RIMS2: variants seen among roughly 807,000 people sequenced by gnomAD.
RIMS2 encodes regulating synaptic membrane exocytosis 2.
A neutral mutation model predicts 174.4 loss-of-function variants in RIMS2; 59 were observed. The observed-to-expected ratio is 0.34, with a 90% CI of 0.27 to 0.42. The LOEUF is 0.42. Ranked by LOEUF, RIMS2 falls within the 10% of genes least tolerant of loss-of-function variation. RIMS2 has a pLI of 1.00. For synonymous variants in RIMS2, 606 were observed against 572.5 expected, an observed-to-expected ratio of 1.06 and a Z score of -0.84; for missense variants, 1,620 against 1,666.3, an observed-to-expected ratio of 0.97 and a Z score of 0.48.
intron 3 of RIMS2, among the ~76,000 whole-genome samples, chr8:103,777,872 A>C: frequency 6.6e-6 from 1 of 152,044 alleles, no homozygotes; most frequent in African/African-American, 2.4e-5. Context: ...GCTGGGTATG[A>C]AATTGGGTAT....
chr8:104,254,115 A>G (rs562800235), downstream of RIMS2: 1 of 152,316 alleles, frequency 6.6e-6, no homozygotes, highest in Non-Finnish European at 1.5e-5. Flanking sequence ...ATATTCCTAT[A>G]CAAATTATTT....
intron 19 of RIMS2, among the ~76,000 whole-genome samples, chr8:104,150,018 T>A (rs558597141): frequency 2.0e-5 from 3 of 152,292 alleles, no homozygotes; most frequent in East Asian, 3.9e-4. Flanking sequence ...GACATACAGA[T>A]CATATTTTAA....
chr8:103,590,557 AT>A (rs1214713913), intron 1 of RIMS2, among the ~76,000 whole-genome samples: 2 of 151,224 alleles, frequency 1.3e-5, no homozygotes, highest in African/African-American at 4.8e-5. Flanking sequence ...AGTTGAAAGA[AT>A]TTTATAGTGA....
At chr8:103,728,128 T>C (rs2097546229) in intron 2 of RIMS2, among the ~76,000 whole-genome samples, 1 of 152,152 alleles carries the variant, frequency 6.6e-6, no homozygotes, top group African/African-American at 2.4e-5. Flanking sequence ...ATTAATGTTT[T>C]ATAGTTTTTG....
chr8:103,924,995 T>C (rs988231188), intron 10 of RIMS2, among the ~76,000 whole-genome samples: 2 of 151,626 alleles, frequency 1.3e-5, no homozygotes, highest in African/African-American at 2.4e-5. Flanking sequence ...TTATTAGGAC[T>C]CCATTTTTAA....
chr8:104,102,346 A>C (rs1167679657), intron 19 of RIMS2, among the ~76,000 whole-genome samples: 2 of 152,144 alleles, frequency 1.3e-5, no homozygotes, highest in Admixed American at 1.3e-4. Context: ...ACTCTTGATT[A>C]GTTCTTCTCC....
chr8:104,175,200 AC>A (rs2135642842), intron 19 of RIMS2, among the ~76,000 whole-genome samples: 1 of 152,038 alleles, frequency 6.6e-6, no homozygotes, highest in Admixed American at 6.5e-5. Context: ...TAGCATAAAA[AC>A]TTTCCAACAA....
At position 103,927,841 on chromosome 8, in the gene RIMS2, G is replaced by A. The variant is rs1483984528; in HGVS notation, c.2197-1G>A. 4.4e-6 allele frequency: 7 copies of A among 1,605,970 alleles called. No individual in the cohort carries two copies. In the Admixed American group the frequency reaches 8.4e-5, roughly 19 times the overall value. ...CTTTTTTCTTTAATTTTGCTTACCA[G>A]AGCCAAAGCCTTAGTAGAAGAACAA... is the stretch of plus-strand genomic sequence containing the variant. On this transcript the variant is annotated splice_acceptor_variant, in intron 10 of 23. Coordinates refer to ENST00000504942, the Ensembl canonical transcript of RIMS2. LOFTEE classifies it high-confidence loss of function.
At chr8:103,747,278 A>T (rs200250770) in intron 2 of RIMS2, among the ~76,000 whole-genome samples, 2 of 124,346 alleles carry the variant, frequency 1.6e-5, no homozygotes, top group African/African-American at 6.4e-5. Context: ...GAGTGTGATG[A>T]TCCCCTTCCT....
chr8:103,709,680 T>G (rs1050604868), intron 2 of RIMS2, among the ~76,000 whole-genome samples: 3 of 152,172 alleles, frequency 2.0e-5, no homozygotes, highest in Non-Finnish European at 4.4e-5. Context: ...TCTTTTTTTT[T>G]CTTTAACCCC....
intron 1 of RIMS2, among the ~76,000 whole-genome samples, chr8:103,502,290 A>G (rs1300256431): frequency 5.9e-5 from 9 of 152,210 alleles, no homozygotes. Flanking sequence ...ACTAATAAAG[A>G]AACAGGTTTC....
chr8:103,789,080 C>G (rs1290365533), intron 3 of RIMS2, among the ~76,000 whole-genome samples: 1 of 152,200 alleles, frequency 6.6e-6, no homozygotes, highest in Admixed American at 6.5e-5. Flanking sequence ...AAGGGAACTC[C>G]CTGACCCATT....
At chr8:104,103,053 A>G (rs1373203438) in intron 19 of RIMS2, among the ~76,000 whole-genome samples, 2 of 152,234 alleles carry the variant, frequency 1.3e-5, no homozygotes, top group Non-Finnish European at 2.9e-5. Flanking sequence ...TTCAGCTGTA[A>G]AAAGGATTGA....
At chr8:104,159,292 A>T (rs1404944876) in intron 19 of RIMS2, among the ~76,000 whole-genome samples, 1 of 152,292 alleles carries the variant, frequency 6.6e-6, no homozygotes, top group African/African-American at 2.4e-5. Flanking sequence ...TGTTTTGGTT[A>T]CTGTAGCCTT....
At chr8:103,938,435 C>T (rs2081792196) in intron 13 of RIMS2, among the ~76,000 whole-genome samples, 1 of 151,980 alleles carries the variant, frequency 6.6e-6, no homozygotes, top group Non-Finnish European at 1.5e-5. Flanking sequence ...AGGAGAACAG[C>T]ATGAGAAAGA....
rs138134732 is a variant in RIMS2, at chr8:103,993,012, G to A, written c.3044+3591G>A. On this transcript the variant is annotated intron_variant, in intron 17 of 23. Transcript: ENST00000504942. Reference sequence around the variant, plus strand: ...GCCTATAATCCCAGCTACTCAGGAGGCTGAGGCAGGAGAATCGCTTGAACC... The same window carrying A: ...GCCTATAATCCCAGCTACTCAGGAGACTGAGGCAGGAGAATCGCTTGAACC... Among the ~76,000 whole-genome samples, 304 of 152,268 alleles carry A rather than the reference G, an allele frequency of 2.0e-3. 2 individuals are homozygous for A. The highest frequency in any genetic ancestry group is 6.8e-3 in the African/African-American group (281 of 41,550).
intron 1 of RIMS2, among the ~76,000 whole-genome samples, chr8:103,563,537 C>A (rs1191123608): frequency 6.6e-6 from 1 of 152,152 alleles, no homozygotes; most frequent in Non-Finnish European, 1.5e-5. Context: ...TTGGTCAAAG[C>A]CATTCAACAA....
intron 19 of RIMS2, among the ~76,000 whole-genome samples, chr8:104,044,164 T>C (rs934151806): frequency 6.6e-6 from 1 of 151,610 alleles, no homozygotes; most frequent in Admixed American, 6.6e-5. Flanking sequence ...AGCTGAGGGA[T>C]ATATTGTATT....
intron 15 of RIMS2, among the ~76,000 whole-genome samples, chr8:103,974,925 G>GA (rs1031307183): frequency 1.3e-5 from 2 of 151,498 alleles, no homozygotes; most frequent in African/African-American, 2.4e-5. Context: ...TTTTATCACT[G>GA]AAAAAAAAGA....
Sources: allele counts gnomAD v4.1 joint callset (sites outside exome capture counted in the v4.1 genomes callset), GRCh38; gene constraint gnomAD v4.1.1; transcripts MANE v1.5; gene names NCBI Gene and HGNC (gene_info 2026-07-23, HGNC 2026-07-21).